Variants in XRCC1 observed in about 807,000 individuals in gnomAD.
The protein encoded by XRCC1 is DNA repair protein XRCC1.
XRCC1 carries 52 observed loss-of-function variants against 83.3 expected under a neutral mutation model. The observed-to-expected ratio is 0.62, with a 90% CI of 0.50 to 0.79. XRCC1 has a LOEUF of 0.79. XRCC1 is among the 30% of genes least tolerant of loss of function. XRCC1 has a pLI of 0.00. For missense variants in XRCC1, 793 were observed against 823.5 expected, an observed-to-expected ratio of 0.96 and a Z score of 0.45; for synonymous variants, 281 against 312.6, an observed-to-expected ratio of 0.90 and a Z score of 1.07.
intron 3 of XRCC1, 128 bp from the exon 4 acceptor site, chr19:43,554,932 C>A (rs888790541): frequency 9.6e-7 from 1 of 1,040,402 alleles, no homozygotes; most frequent in African/African-American, 1.6e-5. Context: ...TAGCTTGGGC[C>A]TAGATGTCTC....
intron 2 of XRCC1, among the ~76,000 whole-genome samples, chr19:43,565,225 T>C (rs1052084622): frequency 5.9e-5 from 9 of 152,156 alleles, no homozygotes; most frequent in African/African-American, 2.2e-4. Context: ...GACATGAACA[T>C]CTTTTGAGCA....
Position 43,554,707 on chromosome 19 carries a change from C to T in XRCC1, c.353G>A (p.Arg118Gln), listed in dbSNP as rs762120534. 1.2e-5 allele frequency: 20 copies of T among 1,613,970 alleles called. No individual in the cohort carries two copies. The highest frequency in any genetic ancestry group is 1.4e-5 in the Non-Finnish European group (17 of 1,179,928). Residue 118 changes from arginine to glutamine, a missense_variant, in exon 4 of 17, where the codon CGG becomes CAG. Arg to Gln is a conservative substitution (Grantham distance 43). Coordinates refer to ENST00000262887, the MANE Select transcript of XRCC1 (RefSeq NM_006297.3). ...VRMFGPDKLV[R>Q]AAAEKRWDRV... ...GTCCCAGCGCTTCTCGGCGGCTGCC[C>T]GGACCAGCTTGTCAGGCCCAAACAT...
rs963685652 is a variant in XRCC1, at chr19:43,551,486, T to C, written c.1199+85A>G. 7.4e-6 allele frequency: 9 copies of C among 1,219,178 alleles called. No homozygotes were observed. In the African/African-American group the frequency reaches 1.3e-4, roughly 18 times the overall value. The allele number at this position is 1,219,178 out of a possible 1,614,324, so 75.5% of individuals were successfully genotyped here. ...GGCTGGGACCACCTGTGTTCTCCGCTGGCAGGCCCCAGTCTGACTCCCCTC... is the reference window on the plus strand; with the variant it reads ...GGCTGGGACCACCTGTGTTCTCCGCCGGCAGGCCCCAGTCTGACTCCCCTC... On this transcript the variant is annotated intron_variant, in intron 10 of 16. Coordinates refer to ENST00000262887, the MANE Select transcript of XRCC1 (RefSeq NM_006297.3).
At chr19:43,557,485 G>C (rs990702182) in intron 3 of XRCC1, among the ~76,000 whole-genome samples, 1 of 152,020 alleles carries the variant, frequency 6.6e-6, no homozygotes, top group African/African-American at 2.4e-5. Context: ...AGCTGATTAT[G>C]CAAAGGAAAC....
intron 2 of XRCC1, among the ~76,000 whole-genome samples, chr19:43,573,568 TTA>T (rs1342139290): frequency 6.6e-6 from 1 of 152,148 alleles, no homozygotes; most frequent in Admixed American, 6.5e-5. Context: ...GTTCTGCTCC[TTA>T]TAGTCATAAA....
At chr19:43,564,377 C>T (rs770004139) in intron 2 of XRCC1, among the ~76,000 whole-genome samples, 2 of 152,036 alleles carry the variant, frequency 1.3e-5, no homozygotes, top group Admixed American at 6.6e-5. Flanking sequence ...CCTGGGTGTC[C>T]CATCTGTCAC....
intron 3 of XRCC1, 136 bp downstream of exon 3, chr19:43,560,774 T>C (rs1283834499): frequency 2.8e-6 from 2 of 712,126 alleles, no homozygotes; most frequent in African/African-American, 3.5e-5. Context: ...GTACACTGGG[T>C]GATCCTCCAG....
chr19:43,551,544 G>T, intron 10 of XRCC1, 27 bp downstream of exon 10: 2 of 1,583,826 alleles, frequency 1.3e-6, no homozygotes, highest in South Asian at 2.2e-5. Context: ...ACAGGATAAG[G>T]AGCAGGGTTG....
In XRCC1 at chr19:43,546,605, C is replaced by T. The variant is rs1972513053; in HGVS notation, c.1416G>A (p.Gly472=). ...PVLQEDIDIE[G]VQSEGQDNGA... ...CCCTCAGAGTCTGACCTGACTGTAC[C>T]CCCTCAATGTCTATATCTTCCTGGA... The change falls in exon 12 of 17, where the codon GGG becomes GGA. Residue 472 remains glycine (G), a synonymous_variant. Coordinates refer to ENST00000262887, the MANE Select transcript of XRCC1 (RefSeq NM_006297.3). The T allele has an allele frequency of 1.9e-6, 3 of 1,608,832 alleles. No homozygotes were observed. The highest frequency in any genetic ancestry group is 1.1e-5 in the South Asian group (1 of 90,352).
intron 15 of XRCC1, 139 bp downstream of exon 15, chr19:43,544,004 AC>A (rs1456932645): frequency 2.4e-6 from 2 of 830,482 alleles, no homozygotes; most frequent in African/African-American, 3.5e-5. Flanking sequence ...GGATTCCATG[AC>A]CTGTGCCCAC....
chr19:43,554,898 A>G, intron 3 of XRCC1, 94 bp from the exon 4 acceptor site: 1 of 1,400,952 alleles, frequency 7.1e-7, no homozygotes, highest in Non-Finnish European at 9.8e-7. Flanking sequence ...GGGCCCACAC[A>G]GGGGACTGGG....
chr19:43,546,572 C>T (rs758569114), intron 12 of XRCC1, 23 bp downstream of exon 12: 32 of 1,591,036 alleles, frequency 2.0e-5, no homozygotes, highest in Non-Finnish European at 2.7e-5. Context: ...CAGGCCCCAG[C>T]CCCTCCTCCC....
At chr19:43,558,435 A>G (rs1053381935) in intron 3 of XRCC1, among the ~76,000 whole-genome samples, 3 of 152,130 alleles carry the variant, frequency 2.0e-5, no homozygotes, top group African/African-American at 7.2e-5. Context: ...CAGGAGTTCA[A>G]GACCAGCCTG....
intron 14 of XRCC1, among the ~76,000 whole-genome samples, chr19:43,544,841 T>TTGG (rs200892221): frequency 1.6e-4 from 15 of 95,536 alleles, no homozygotes; most frequent in African/African-American, 4.6e-4. Flanking sequence ...AAGGCGGGGG[T>TTGG]CGGGGGGGGT....
At chr19:43,571,188 C>T (rs1472217089) in intron 2 of XRCC1, among the ~76,000 whole-genome samples, 2 of 152,138 alleles carry the variant, frequency 1.3e-5, no homozygotes, top group Non-Finnish European at 2.9e-5. Context: ...CCAGTCCCAC[C>T]CTGTTACCTC....
Position 43,552,009 on chromosome 19 carries a change from A to T in XRCC1, c.1082+8T>A. ...TGCAGCGGCGCAGGGAGGGGGGCGCAAGCCTACATGAGGTGCGTGCTGTCC... is the reference window on the plus strand; with the variant it reads ...TGCAGCGGCGCAGGGAGGGGGGCGCTAGCCTACATGAGGTGCGTGCTGTCC... On this transcript the variant is annotated splice_region_variant and intron_variant, in intron 9 of 16. Coordinates refer to ENST00000262887, the MANE Select transcript of XRCC1 (RefSeq NM_006297.3). 6.2e-7 allele frequency: 1 copy of T among 1,613,208 alleles called. No individual in the cohort carries two copies. The highest frequency in any genetic ancestry group is 8.5e-7 in the Non-Finnish European group (1 of 1,179,274).
chr19:43,562,974 C>A (rs1433512821), intron 2 of XRCC1, among the ~76,000 whole-genome samples: 1 of 152,234 alleles, frequency 6.6e-6, no homozygotes, highest in African/African-American at 2.4e-5. Context: ...AACTTCACAG[C>A]TGGTGGGTGG....
At position 43,552,856 on chromosome 19, in the gene XRCC1, T is replaced by C; in HGVS notation, c.764A>G (p.Lys255Arg). The change falls in exon 8 of 17, where the codon AAG becomes AGG. Residue 255 changes from lysine (K) to arginine (R), a missense_variant. Physicochemically the swap from Lys to Arg is conservative, Grantham distance 26 (BLOSUM62 2). Transcript: ENST00000262887. ...KRKLDLNQEE[K>R]KTPSKPPAQL... ...GGCTGGTGGTTTGCTGGGGGTCTTC[T>C]TTTCTTCTTGGTTCAAATCCAACTT... is the stretch of plus-strand genomic sequence containing the variant. 6.2e-7 allele frequency: 1 copy of C among 1,613,686 alleles called. No individual in the cohort carries two copies. Among genetic ancestry groups the C allele is most frequent in the South Asian group, 1.1e-5 (1 of 91,004 alleles).
intron 2 of XRCC1, among the ~76,000 whole-genome samples, chr19:43,571,925 T>C (rs188844308): frequency 5.3e-5 from 8 of 152,364 alleles, no homozygotes; most frequent in African/African-American, 1.2e-4. Context: ...CCCGAGTCTA[T>C]AGGTTCTTTC....
Sources: allele counts gnomAD v4.1 joint callset (sites outside exome capture counted in the v4.1 genomes callset), GRCh38; gene constraint gnomAD v4.1.1; transcripts MANE v1.5; gene names NCBI Gene and HGNC (gene_info 2026-07-23, HGNC 2026-07-21).